ZBBX: variants seen among roughly 807,000 people sequenced by gnomAD.
ZBBX encodes zinc finger B-box domain containing, also known as zinc finger B-box domain-containing protein 1.
A neutral mutation model predicts 108.5 loss-of-function variants in ZBBX; 101 were observed. The ratio of observed to expected loss-of-function variants is 0.93; its 90% CI spans 0.79 to 1.10. ZBBX has a LOEUF of 1.10. ZBBX is among the 50% of genes least tolerant of loss of function. The pLI, the probability that ZBBX is intolerant of heterozygous loss-of-function variation, is 0.00. For synonymous variants in ZBBX, 356 were observed against 323.4 expected (o/e 1.10, Z -1.08); for missense variants, 1,009 against 941.4 (o/e 1.07, Z -0.94).
At chr3:167,352,347 C>T (rs1426930015) in intron 8 of ZBBX, among the ~76,000 whole-genome samples, 1 of 151,994 alleles carries the variant, frequency 6.6e-6, no homozygotes, top group African/African-American at 2.4e-5. Context: ...TCAGAGACTA[C>T]TATGAGCATC....
At chr3:167,190,631 C>T in the ZBBX span, among the ~76,000 whole-genome samples, 4 of 152,128 alleles carry the variant, frequency 2.6e-5, no homozygotes, top group East Asian at 3.9e-4. Flanking sequence ...CTGCCCACCT[C>T]GGCCTCCCAA....
At position 167,305,645 on chromosome 3, in the gene ZBBX, G is replaced by T; in HGVS notation, c.1723C>A (p.Leu575Met). ...TAATAAACATAATAGAGATTTACCA[G>T]TGATGACTTTGTAGTTTTTGATTCT... Reference protein sequence around the residue: ...FEESKTTKSSLLLQEIACRSK... With the variant: ...FEESKTTKSSMLLQEIACRSK... The change falls in exon 17 of 22, where the codon CTG (leucine) becomes ATG (methionine). Residue 575 changes from leucine (L) to methionine (M), a missense_variant and splice_region_variant. Coordinates refer to ENST00000675490, the MANE Select transcript of ZBBX (RefSeq NM_001199201.2). 3.9e-6 allele frequency: 6 copies of T among 1,542,828 alleles called. No individual in the cohort carries two copies. The highest frequency in any genetic ancestry group is 5.2e-6 in the Non-Finnish European group (6 of 1,150,710).
chr3:167,274,231 G>A (rs1727067777), intron 20 of ZBBX, among the ~76,000 whole-genome samples: 1 of 152,178 alleles, frequency 6.6e-6, no homozygotes, highest in Non-Finnish European at 1.5e-5. Flanking sequence ...TTTCAGGATG[G>A]CTAGAAAGAT....
intron 20 of ZBBX, among the ~76,000 whole-genome samples, chr3:167,270,803 G>A (rs1052389620): frequency 3.3e-5 from 5 of 152,194 alleles, no homozygotes; most frequent in Admixed American, 6.5e-5. Context: ...TTATTTTGCT[G>A]GAAAAAGATG....
the ZBBX span, among the ~76,000 whole-genome samples, chr3:167,218,834 A>G: frequency 6.6e-6 from 1 of 152,120 alleles, no homozygotes; most frequent in South Asian, 2.1e-4. Flanking sequence ...GACATGGAAT[A>G]GCTGAATGAA....
chr3:167,249,574 G>C (rs955196002), intron 20 of ZBBX, among the ~76,000 whole-genome samples: 1 of 152,154 alleles, frequency 6.6e-6, no homozygotes, highest in Non-Finnish European at 1.5e-5. Flanking sequence ...TTTGGGCCTA[G>C]TAAGGTCCAG....
rs1748314183 is a variant in ZBBX, at chr3:167,398,309, T to G, written c.-446+9417A>C. ...ACTTTAACTGTGAAATGCAAATTCA[T>G]TTTATCTTGAAGTGTCAGATATAGT... On this transcript the variant is annotated intron_variant, in intron 1 of 21. Coordinates refer to the ZBBX transcript ENST00000455345. Among the ~76,000 whole-genome samples the G allele has an allele frequency of 2.0e-5, 3 of 152,212 alleles. No individual in the cohort carries two copies. In the South Asian group the frequency reaches 6.2e-4, roughly 32 times the overall value.
chr3:167,192,738 C>G, the ZBBX span, among the ~76,000 whole-genome samples: 1 of 152,102 alleles, frequency 6.6e-6, no homozygotes, highest in Non-Finnish European at 1.5e-5. Flanking sequence ...TCTGCCTGAT[C>G]TTTTCTGCTG....
chr3:167,215,428 G>A, the ZBBX span, among the ~76,000 whole-genome samples: 1 of 152,066 alleles, frequency 6.6e-6, no homozygotes, highest in African/African-American at 2.4e-5. Flanking sequence ...GACTGAGCCA[G>A]GAAGAAATTA....
At chr3:167,273,755 G>GA (rs138832684) in intron 20 of ZBBX, among the ~76,000 whole-genome samples, 3 of 151,984 alleles carry the variant, frequency 2.0e-5, no homozygotes, top group Admixed American at 6.6e-5. Context: ...ACCAGAAAAA[G>GA]AAAAAACACA....
intron 16 of ZBBX, among the ~76,000 whole-genome samples, chr3:167,308,850 CA>C (rs1734103521): frequency 6.6e-6 from 1 of 152,026 alleles, no homozygotes; most frequent in Admixed American, 6.6e-5. Flanking sequence ...CTAATGGGTG[CA>C]AGGCTTAATA....
At chr3:167,399,061 C>G (rs73169198) in intron 1 of ZBBX, among the ~76,000 whole-genome samples, 44,198 of 150,826 alleles carry the variant, frequency 0.29, 6,615 homozygotes, top group African/African-American at 0.34. Context: ...GGAGTCCCCA[C>G]CACCAAGAAG....
At chr3:167,254,839 T>C (rs1355990788) in intron 20 of ZBBX, among the ~76,000 whole-genome samples, 3 of 148,702 alleles carry the variant, frequency 2.0e-5, no homozygotes, top group Non-Finnish European at 4.4e-5. Context: ...GAAAAATTTC[T>C]CCAAGCATTC....
intron 9 of ZBBX, among the ~76,000 whole-genome samples, chr3:167,336,366 A>G (rs1220422212): frequency 6.6e-6 from 1 of 152,146 alleles, no homozygotes; most frequent in Admixed American, 6.6e-5. Context: ...TAGTACATAA[A>G]TGAAATCAAT....
chr3:167,314,227 T>C (rs1735064599), intron 15 of ZBBX, 111 bp from the exon 16 acceptor site: 3 of 780,020 alleles, frequency 3.8e-6, no homozygotes, highest in Non-Finnish European at 5.6e-6. Context: ...TTAATAGGGT[T>C]ATTTACATTA....
rs185647685 is a variant in ZBBX, at chr3:167,395,720, G to A, written c.-446+12006C>T. Among the ~76,000 whole-genome samples the A allele has an allele frequency of 1.2e-3, 175 of 151,996 alleles. 1 individual carries two copies. The highest frequency in any genetic ancestry group is 3.9e-3 in the African/African-American group (160 of 41,496). On this transcript the variant is annotated intron_variant, in intron 1 of 21. Coordinates refer to the ZBBX transcript ENST00000455345. ...AAGTACCACCAAAAACTGTGCATAC[G>A]GATTGAAGGCTGAGGGTTCCCTTCA...
At position 167,282,308 on chromosome 3, in the gene ZBBX, T is replaced by C; in HGVS notation, c.2184A>G (p.Leu728=). ...IDITDQNELS[L]DDTTDQHTLD... Reference sequence around the variant, plus strand: ...AAGTATGTTGATCAGTAGTGTCATCTAAGGAAAGCTCATTCTGGTCAGTAA... The same window carrying C: ...AAGTATGTTGATCAGTAGTGTCATCCAAGGAAAGCTCATTCTGGTCAGTAA... Residue 728 remains leucine (L), a synonymous_variant, in exon 20 of 22, where the codon TTA becomes TTG. Coordinates refer to ENST00000675490, the MANE Select transcript of ZBBX (RefSeq NM_001199201.2). The C allele has an allele frequency of 1.2e-6, 2 of 1,614,048 alleles. No individual in the cohort carries two copies. The highest frequency in any genetic ancestry group is 1.7e-6 in the Non-Finnish European group (2 of 1,179,918).
intron 5 of ZBBX, among the ~76,000 whole-genome samples, chr3:167,367,762 G>A (rs1364384215): frequency 6.6e-6 from 1 of 151,160 alleles, no homozygotes; most frequent in Non-Finnish European, 1.5e-5. Context: ...CTAGAGCTAA[G>A]AAGAGAGAAT....
chr3:167,318,050 C>A (rs1735756583), intron 12 of ZBBX, among the ~76,000 whole-genome samples: 2 of 152,010 alleles, frequency 1.3e-5, no homozygotes, highest in Middle Eastern at 3.4e-3. Flanking sequence ...TAGGCTCCTA[C>A]AATAAAAATG....
Sources: allele counts gnomAD v4.1 joint callset (sites outside exome capture counted in the v4.1 genomes callset), GRCh38; gene constraint gnomAD v4.1.1; transcripts MANE v1.5; gene names NCBI Gene and HGNC (gene_info 2026-07-23, HGNC 2026-07-21).